The following PAPPA variants were observed in gnomAD, a reference collection of about 807,000 sequenced individuals.
The protein encoded by PAPPA is pappalysin-1.
Under a neutral mutation model 164.0 loss-of-function variants are expected in PAPPA, and 60 were observed. The observed-to-expected ratio is 0.37, with a 90% confidence interval of 0.30 to 0.45. The LOEUF is 0.45. Ranked by LOEUF, PAPPA falls within the 20% of genes least tolerant of loss-of-function variation. The pLI is 1.00. For missense variants in PAPPA, 1,782 were observed against 2,087.3 expected (o/e 0.85, Z 2.85); for synonymous variants, 875 against 814.1 (o/e 1.07, Z -1.27).
intron 21 of PAPPA, among the ~76,000 whole-genome samples, chr9:116,385,328 G>A (rs868030064): frequency 4.6e-5 from 7 of 151,850 alleles, no homozygotes; most frequent in Middle Eastern, 3.5e-3. Flanking sequence ...TGACTTCATA[G>A]TCCCACAATG....
At chr9:116,349,997 C>T (rs1033199369) in intron 15 of PAPPA, among the ~76,000 whole-genome samples, 12 of 152,226 alleles carry the variant, frequency 7.9e-5, no homozygotes, top group Non-Finnish European at 1.5e-4. Flanking sequence ...AACTAGAGCT[C>T]AGTCCCTCTG....
intron 17 of PAPPA, among the ~76,000 whole-genome samples, chr9:116,361,987 C>A (rs1049779265): frequency 6.6e-6 from 1 of 152,072 alleles, no homozygotes; most frequent in African/African-American, 2.4e-5. Flanking sequence ...TAAGTATCCC[C>A]ATATCACCCT....
At chr9:116,182,280 C>T (rs1327641645) in intron 1 of PAPPA, among the ~76,000 whole-genome samples, 2 of 152,220 alleles carry the variant, frequency 1.3e-5, no homozygotes, top group African/African-American at 4.8e-5. Flanking sequence ...AAGTATCCCC[C>T]TGCTCCCTTT....
intron 17 of PAPPA, among the ~76,000 whole-genome samples, chr9:116,360,756 A>C (rs1846415987): frequency 3.3e-5 from 5 of 152,206 alleles, no homozygotes; most frequent in Admixed American, 3.3e-4. Context: ...TAAGTGATGA[A>C]TGAATGCACT....
At chr9:116,236,410 C>A (rs986815165) in intron 7 of PAPPA, among the ~76,000 whole-genome samples, 1 of 151,876 alleles carries the variant, frequency 6.6e-6, no homozygotes, top group African/African-American at 2.4e-5. Context: ...CATGGTGAAA[C>A]CCCGTCTCTA....
At chr9:116,365,550 C>A (rs945098122) in intron 18 of PAPPA, among the ~76,000 whole-genome samples, 1 of 51,752 alleles carries the variant, frequency 1.9e-5, no homozygotes, top group Non-Finnish European at 4.5e-5. Context: ...TTTTGACAAC[C>A]GTTTTTTTTT....
intron 8 of PAPPA, among the ~76,000 whole-genome samples, chr9:116,268,171 C>G (rs1273313179): frequency 6.6e-6 from 1 of 152,162 alleles, no homozygotes; most frequent in Non-Finnish European, 1.5e-5. Context: ...AAGAATTTGA[C>G]TCCTCAAGCA....
chr9:116,301,777 C>G (rs1170569293), intron 9 of PAPPA, among the ~76,000 whole-genome samples: 1 of 152,246 alleles, frequency 6.6e-6, no homozygotes, highest in East Asian at 1.9e-4. Flanking sequence ...CCGACAAGCC[C>G]TTAGAAGCCT....
At chr9:116,207,101 A>G (rs2118674822) in intron 2 of PAPPA, among the ~76,000 whole-genome samples, 1 of 152,210 alleles carries the variant, frequency 6.6e-6, no homozygotes, top group South Asian at 2.1e-4. Context: ...GCTCTGTGAG[A>G]ACTCCTTGGG....
chr9:116,256,841 T>G (rs780305821), intron 7 of PAPPA, among the ~76,000 whole-genome samples: 4 of 151,894 alleles, frequency 2.6e-5, no homozygotes, highest in Non-Finnish European at 4.4e-5. Flanking sequence ...CACAAAAAAG[T>G]TTGAGCTGAT....
chr9:116,384,164 G>A (rs117360723), intron 21 of PAPPA, among the ~76,000 whole-genome samples: 270 of 151,864 alleles, frequency 1.8e-3, no homozygotes, highest in Non-Finnish European at 3.3e-3. Flanking sequence ...AGTGGCTCAC[G>A]GTTGTAACTC....
At chr9:116,248,368 G>C (rs1844821498) in intron 7 of PAPPA, among the ~76,000 whole-genome samples, 1 of 152,170 alleles carries the variant, frequency 6.6e-6, no homozygotes, top group Admixed American at 6.5e-5. Context: ...CAAGACCCCT[G>C]TCTATAAAAT....
intron 7 of PAPPA, among the ~76,000 whole-genome samples, chr9:116,241,408 T>C (rs1166312706): frequency 1.3e-5 from 2 of 152,196 alleles, no homozygotes; most frequent in Admixed American, 1.3e-4. Context: ...TCTGATGAGA[T>C]GACATTTGAA....
Position 116,396,585 on chromosome 9 carries a change from G to A in PAPPA, c.4853G>A (p.Arg1618Gln), listed in dbSNP as rs754263297. 25 of 780,750 alleles carry A rather than the reference G, an allele frequency of 3.2e-5. No individual in the cohort carries two copies. Among genetic ancestry groups the A allele is most frequent in the Middle Eastern group, 2.2e-4 (1 of 4,460 alleles). 48.4% of individuals were successfully genotyped at this position (780,750 alleles called of 1,614,324 possible). A position where few individuals can be genotyped will look rare whatever the true frequency, so the allele number is the denominator to read the frequency against. ...CRDPQAQEHS[R>Q]KDLRGYSHG ...GACCCCCAGGCCCAAGAACACAGCC[G>A]GAAAGACCTCCGGGGATACAGCCAT... The change falls in exon 22 of 22, where the codon CGG (arginine) becomes CAG (glutamine). Residue 1618 changes from arginine to glutamine, a missense_variant. Physicochemically the swap from Arg to Gln is conservative, Grantham distance 43. Transcript: ENST00000328252.
chr9:116,297,489 T>C (rs568414269), intron 9 of PAPPA, among the ~76,000 whole-genome samples: 38 of 152,344 alleles, frequency 2.5e-4, no homozygotes, highest in African/African-American at 8.4e-4. Flanking sequence ...CTTTAACCTC[T>C]TTAGGTATTT....
intron 4 of PAPPA, 34 bp from the exon 5 acceptor site, chr9:116,219,903 C>A: frequency 6.4e-7 from 1 of 1,565,916 alleles, no homozygotes; most frequent in Non-Finnish European, 8.7e-7. Context: ...TGCCTTGCGG[C>A]TTGGTGCTTA....
chr9:116,291,105 A>G (rs1204466184), intron 9 of PAPPA, among the ~76,000 whole-genome samples: 4 of 152,176 alleles, frequency 2.6e-5, no homozygotes, highest in Non-Finnish European at 4.4e-5. Flanking sequence ...GTCATTTATA[A>G]GGATTACTAT....
chr9:116,265,978 A>G lies in PAPPA; in HGVS notation c.2854A>G (p.Ile952Val). The change falls in exon 8 of 22, where the codon ATA (isoleucine) becomes GTA (valine). Residue 952 changes from isoleucine (I) to valine (V), a missense_variant. Ile to Val is a conservative substitution (Grantham distance 29, BLOSUM62 3). This residue lies in a region of PAPPA where 1,324 missense variants were observed against 1,656.9 expected (regional missense o/e 0.80). Coordinates refer to ENST00000328252, the MANE Select transcript of PAPPA (RefSeq NM_002581.5). ...AAGTGGGTACTGTGGCGATGGCATTATACAAAAGTAAGTAGATCTAATTAA... is the reference window on the plus strand; with the variant it reads ...AAGTGGGTACTGTGGCGATGGCATTGTACAAAAGTAAGTAGATCTAATTAA... ...HGSGYCGDGI[I>V]QKDQGEQCDD... The G allele has an allele frequency of 1.2e-6, 2 of 1,604,822 alleles. No individual in the cohort carries two copies. The highest frequency in any genetic ancestry group is 1.7e-6 in the Non-Finnish European group (2 of 1,172,808).
At chr9:116,376,586 T>C (rs1846656447) in intron 19 of PAPPA, among the ~76,000 whole-genome samples, 1 of 152,154 alleles carries the variant, frequency 6.6e-6, no homozygotes, top group African/African-American at 2.4e-5. Flanking sequence ...AATAAGATAA[T>C]GCATACAGTA....
Sources: gnomAD v4.1 joint callset for allele counts (sites outside exome capture counted in the v4.1 genomes callset) on GRCh38, gnomAD v4.1.1 for gene constraint, gnomAD v4.1.1 regional missense constraint, MANE v1.5 for transcripts, NCBI Gene and HGNC (gene_info 2026-07-23, HGNC 2026-07-21) for gene names.